CNTNAP2: variants seen among roughly 807,000 people sequenced by gnomAD.
CNTNAP2 encodes contactin-associated protein-like 2.
CNTNAP2 carries 98 observed loss-of-function variants against 155.2 expected under a neutral mutation model. That is an observed-to-expected ratio of 0.63 (90% CI 0.54 to 0.75). The LOEUF (loss-of-function observed/expected upper bound fraction) is 0.75. Ranked by LOEUF, CNTNAP2 falls within the 30% of genes least tolerant of loss-of-function variation. CNTNAP2 has a pLI of 0.00. For synonymous variants in CNTNAP2, 651 were observed against 631.2 expected (o/e 1.03, Z -0.47); for missense variants, 1,727 against 1,688.1 (o/e 1.02, Z -0.40).
chr7:147,423,781 C>T (rs910639578), intron 10 of CNTNAP2, among the ~76,000 whole-genome samples: 4 of 152,106 alleles, frequency 2.6e-5, no homozygotes, highest in African/African-American at 9.7e-5. Flanking sequence ...CATAATTGTG[C>T]TTCTCATTTC....
At chr7:147,543,656 T>C (rs1181703364) in intron 11 of CNTNAP2, among the ~76,000 whole-genome samples, 1 of 152,136 alleles carries the variant, frequency 6.6e-6, no homozygotes, top group Non-Finnish European at 1.5e-5. Context: ...CCCCCTCAAA[T>C]AAAACCATAG....
At chr7:147,165,869 T>A (rs1403943174) in intron 8 of CNTNAP2, among the ~76,000 whole-genome samples, 1 of 152,072 alleles carries the variant, frequency 6.6e-6, no homozygotes, top group Non-Finnish European at 1.5e-5. Context: ...TTTAAAAAAA[T>A]CCAAAAATAA....
At chr7:147,335,167 C>T (rs1012298345) in intron 9 of CNTNAP2, among the ~76,000 whole-genome samples, 2 of 152,130 alleles carry the variant, frequency 1.3e-5, no homozygotes, top group South Asian at 2.1e-4. Flanking sequence ...TGAGTATATT[C>T]ATCAACTCTT....
intron 1 of CNTNAP2, among the ~76,000 whole-genome samples, chr7:146,661,131 A>T (rs1350309966): frequency 1.3e-5 from 2 of 152,198 alleles, no homozygotes; most frequent in African/African-American, 4.8e-5. Flanking sequence ...GACAGTTTCC[A>T]GAAAGGTTTC....
At chr7:146,906,350 G>A (rs1434390333) in intron 3 of CNTNAP2, among the ~76,000 whole-genome samples, 1 of 152,188 alleles carries the variant, frequency 6.6e-6, no homozygotes, top group African/African-American at 2.4e-5. Flanking sequence ...CTGGGGGCAG[G>A]GCACAGACAA....
intron 20 of CNTNAP2, among the ~76,000 whole-genome samples, chr7:148,240,043 C>G (rs559390939): frequency 2.0e-5 from 3 of 152,306 alleles, no homozygotes; most frequent in South Asian, 2.1e-4. Flanking sequence ...GTTTCTGAAG[C>G]CTGATTTGGA....
intron 3 of CNTNAP2, among the ~76,000 whole-genome samples, chr7:146,905,732 G>A (rs1417011743): frequency 2.6e-5 from 4 of 152,216 alleles, no homozygotes; most frequent in Non-Finnish European, 5.9e-5. Flanking sequence ...TACTGTATTA[G>A]CAGAATGAAA....
At chr7:148,372,666 C>G (rs1175851549) in intron 21 of CNTNAP2, among the ~76,000 whole-genome samples, 1 of 152,126 alleles carries the variant, frequency 6.6e-6, no homozygotes, top group Non-Finnish European at 1.5e-5. Context: ...CGAGATTGTG[C>G]CACTGCATGC....
chr7:146,917,418 G>A lies in CNTNAP2; in HGVS notation c.402+77514G>A, dbSNP rs532184081. Among the ~76,000 whole-genome samples the A allele has an allele frequency of 6.6e-5, 10 of 152,242 alleles. 1 individual carries two copies. In the South Asian group the frequency reaches 1.7e-3, roughly 25 times the overall value. On this transcript the variant is annotated intron_variant, in intron 3 of 23. Coordinates refer to ENST00000361727, the MANE Select transcript of CNTNAP2 (RefSeq NM_014141.6). ...GTCAGTGGAGTATTGAGGTCCCCCA[G>A]TATTATTGTGTTGCTGTCAATCTCA... is the stretch of plus-strand genomic sequence containing the variant.
intron 21 of CNTNAP2, among the ~76,000 whole-genome samples, chr7:148,320,988 C>T (rs1039533391): frequency 2.0e-5 from 3 of 152,206 alleles, no homozygotes; most frequent in East Asian, 3.9e-4. Flanking sequence ...GTGATACATA[C>T]GCTTTCAGAG....
chr7:148,229,143 C>T (rs1213101110), intron 19 of CNTNAP2, among the ~76,000 whole-genome samples: 1 of 152,146 alleles, frequency 6.6e-6, no homozygotes, highest in Non-Finnish European at 1.5e-5. Flanking sequence ...GTGCTGTCAG[C>T]CGATATGGGT....
intron 1 of CNTNAP2, among the ~76,000 whole-genome samples, chr7:146,617,877 C>A (rs539978578): frequency 1.1e-3 from 168 of 152,080 alleles, no homozygotes; most frequent in African/African-American, 3.9e-3. Context: ...TGATAAAATA[C>A]TCAAAAAATG....
At chr7:146,793,049 A>C (rs1802702424) in intron 2 of CNTNAP2, among the ~76,000 whole-genome samples, 1 of 152,202 alleles carries the variant, frequency 6.6e-6, no homozygotes, top group Non-Finnish European at 1.5e-5. Context: ...AAATATTGAA[A>C]TATTGTCATT....
At chr7:147,524,435 G>A (rs572314138) in intron 11 of CNTNAP2, among the ~76,000 whole-genome samples, 1 of 152,284 alleles carries the variant, frequency 6.6e-6, no homozygotes, top group Admixed American at 6.5e-5. Context: ...CCCTGGCACT[G>A]TGCTAGGTCC....
At chr7:147,675,963 G>T (rs1795859829) in intron 13 of CNTNAP2, among the ~76,000 whole-genome samples, 2 of 152,068 alleles carry the variant, frequency 1.3e-5, no homozygotes, top group Non-Finnish European at 2.9e-5. Context: ...CACACATGTT[G>T]TATTAGATAA....
intron 1 of CNTNAP2, among the ~76,000 whole-genome samples, chr7:146,686,158 C>A (rs1800595354): frequency 6.6e-6 from 1 of 151,900 alleles, no homozygotes; most frequent in Non-Finnish European, 1.5e-5. Flanking sequence ...AAAAATTACC[C>A]AGGAGTGGTG....
intron 1 of CNTNAP2, among the ~76,000 whole-genome samples, chr7:146,338,732 T>G (rs1378668375): frequency 6.6e-6 from 1 of 151,888 alleles, no homozygotes; most frequent in East Asian, 2.0e-4. Context: ...CAGAACTTCT[T>G]TTTTTTTATT....
chr7:146,152,573 G>T (rs1798068103), intron 1 of CNTNAP2, among the ~76,000 whole-genome samples: 1 of 152,020 alleles, frequency 6.6e-6, no homozygotes, highest in South Asian at 2.1e-4. Flanking sequence ...TACCCAGCTG[G>T]ATGTAGTCAT....
intron 13 of CNTNAP2, among the ~76,000 whole-genome samples, chr7:147,794,685 G>A (rs974670012): frequency 6.6e-5 from 10 of 151,384 alleles, no homozygotes; most frequent in South Asian, 2.1e-4. Context: ...TCTATGTTAC[G>A]AGTTTGTTTT....
Sources: allele counts gnomAD v4.1 joint callset (sites outside exome capture counted in the v4.1 genomes callset), GRCh38; gene constraint gnomAD v4.1.1; transcripts MANE v1.5; gene names NCBI Gene and HGNC (gene_info 2026-07-23, HGNC 2026-07-21).